COX10: variants seen among roughly 807,000 people sequenced by gnomAD.
COX10 encodes the protein protoheme IX farnesyltransferase, mitochondrial.
COX10 carries 27 observed loss-of-function variants against 37.3 expected under a neutral mutation model. That is an observed-to-expected ratio of 0.72 (90% CI 0.53 to 1.00). The LOEUF is 1.00. Ranked by LOEUF, COX10 falls within the 50% of genes least tolerant of loss-of-function variation. The pLI is 0.00. For synonymous variants in COX10, 222 were observed against 229.1 expected, an observed-to-expected ratio of 0.97 and a Z score of 0.28; for missense variants, 475 against 563.2, an observed-to-expected ratio of 0.84 and a Z score of 1.59.
At chr17:14,149,989 G>A (rs1273160750) in intron 4 of COX10, among the ~76,000 whole-genome samples, 6 of 152,090 alleles carry the variant, frequency 3.9e-5, no homozygotes, top group South Asian at 2.1e-4. Flanking sequence ...AAAAGTTTAC[G>A]GCCGGGCACA....
chr17:14,129,809 A>G (rs1416489836), intron 4 of COX10, among the ~76,000 whole-genome samples: 3 of 152,182 alleles, frequency 2.0e-5, no homozygotes, highest in Admixed American at 1.3e-4. Context: ...CTCTCTGGGT[A>G]CAGTAGGGTT....
chr17:14,165,901 G>T (rs1352429751), intron 5 of COX10, among the ~76,000 whole-genome samples: 1 of 152,230 alleles, frequency 6.6e-6, no homozygotes, highest in Non-Finnish European at 1.5e-5. Context: ...CCACAGCATT[G>T]CCTCACACGA....
intron 6 of COX10, among the ~76,000 whole-genome samples, chr17:14,199,520 T>C (rs1906464370): frequency 6.6e-6 from 1 of 152,108 alleles, no homozygotes; most frequent in Non-Finnish European, 1.5e-5. Context: ...TCTCTCTAAG[T>C]GAAACCTCCT....
At chr17:14,107,912 T>TC (rs1439638281) in intron 4 of COX10, among the ~76,000 whole-genome samples, 7 of 152,178 alleles carry the variant, frequency 4.6e-5, no homozygotes, top group African/African-American at 1.7e-4. Flanking sequence ...AAAGTCAGCC[T>TC]CCTTATAACT....
At chr17:14,093,234 T>G (rs1275791686) in intron 3 of COX10, among the ~76,000 whole-genome samples, 1 of 152,200 alleles carries the variant, frequency 6.6e-6, no homozygotes, top group African/African-American at 2.4e-5. Context: ...TTTTTTGGAC[T>G]TTTGTTTTTT....
chr17:14,192,362 A>G, intron 6 of COX10, 141 bp downstream of exon 6: 1 of 1,613,520 alleles, frequency 6.2e-7, no homozygotes, highest in Non-Finnish European at 8.5e-7. Context: ...GCAGACTGAA[A>G]TTTTGTGGAC....
At chr17:14,089,191 G>A (rs1490354729) in intron 3 of COX10, among the ~76,000 whole-genome samples, 1 of 152,136 alleles carries the variant, frequency 6.6e-6, no homozygotes, top group Non-Finnish European at 1.5e-5. Flanking sequence ...CTTGGAGGAG[G>A]ACATGAAGCT....
At chr17:14,174,644 G>A (rs1597536367) in intron 5 of COX10, among the ~76,000 whole-genome samples, 1 of 152,050 alleles carries the variant, frequency 6.6e-6, no homozygotes, top group African/African-American at 2.4e-5. Context: ...CAACAATACA[G>A]TGCTGACAAG....
At chr17:14,200,098 G>T (rs1036010473) in intron 6 of COX10, among the ~76,000 whole-genome samples, 3 of 152,132 alleles carry the variant, frequency 2.0e-5, no homozygotes, top group African/African-American at 7.2e-5. Flanking sequence ...GGTTTGGGGG[G>T]TGGGGGTGGG....
intron 4 of COX10, among the ~76,000 whole-genome samples, chr17:14,149,324 T>G (rs1431992459): frequency 1.3e-5 from 2 of 152,176 alleles, no homozygotes; most frequent in African/African-American, 4.8e-5. Flanking sequence ...AGTAATTTTG[T>G]AGGTATGATG....
At chr17:14,112,533 A>G (rs1597505444) in intron 4 of COX10, among the ~76,000 whole-genome samples, 2 of 152,212 alleles carry the variant, frequency 1.3e-5, no homozygotes, top group African/African-American at 2.4e-5. Flanking sequence ...AGTGGCTTAC[A>G]GTCTGGTAGA....
At chr17:14,108,821 A>G (rs1915953178) in intron 4 of COX10, among the ~76,000 whole-genome samples, 1 of 152,074 alleles carries the variant, frequency 6.6e-6, no homozygotes, top group South Asian at 2.1e-4. Flanking sequence ...TATCTAATGC[A>G]TTTTTCTCCA....
intron 3 of COX10, among the ~76,000 whole-genome samples, chr17:14,078,135 G>A (rs1915198420): frequency 6.6e-6 from 1 of 152,096 alleles, no homozygotes; most frequent in African/African-American, 2.4e-5. Flanking sequence ...TGAATTCTGT[G>A]TGATAAGCTT....
intron 5 of COX10, among the ~76,000 whole-genome samples, chr17:14,165,471 A>G (rs1316399206): frequency 6.6e-6 from 1 of 152,240 alleles, no homozygotes; most frequent in Non-Finnish European, 1.5e-5. Context: ...CATAAAAGAC[A>G]GCAAACTTAA....
chr17:14,074,536 T>G lies in COX10; in HGVS notation c.177+80T>G, dbSNP rs921577205. 4.5e-6 allele frequency: 6 copies of G among 1,336,276 alleles called. No individual in the cohort carries two copies. The African/African-American group carries it at 8.7e-5, about 19-fold the overall frequency. The allele number at this position is 1,336,276 out of a possible 1,614,324, so 82.8% of individuals were successfully genotyped here. A position where few individuals can be genotyped will look rare whatever the true frequency, so the allele number is the denominator to read the frequency against. ...GAGAATTTCAGAAATTCCTATTTAA[T>G]TAAAGTTTTAAGAAATACTGTTTGA... On this transcript the variant is annotated intron_variant, in intron 2 of 6. Coordinates refer to ENST00000261643, the MANE Select transcript of COX10 (RefSeq NM_001303.4).
chr17:14,204,821 G>T (rs1200895015), intron 6 of COX10, among the ~76,000 whole-genome samples: 1 of 152,230 alleles, frequency 6.6e-6, no homozygotes, highest in Admixed American at 6.5e-5. Flanking sequence ...CAAAGTCAAG[G>T]CTGAGTGCAG....
intron 2 of COX10, among the ~76,000 whole-genome samples, chr17:14,075,908 C>T (rs546288492): frequency 6.8e-6 from 1 of 147,730 alleles, no homozygotes; most frequent in South Asian, 2.2e-4. Flanking sequence ...AGGAGAATGG[C>T]GTGAACCTGG....
At chr17:14,160,473 C>T (rs1267930253) in intron 5 of COX10, among the ~76,000 whole-genome samples, 5 of 152,030 alleles carry the variant, frequency 3.3e-5, no homozygotes, top group Admixed American at 2.0e-4. Context: ...TCCTGGAGAC[C>T]TCTAAACCGG....
chr17:14,079,290 C>G (rs775795224), intron 3 of COX10, among the ~76,000 whole-genome samples: 24 of 152,098 alleles, frequency 1.6e-4, no homozygotes, highest in Non-Finnish European at 3.5e-4. Flanking sequence ...ATTATATTTC[C>G]CCTAAGGTTG....
Sources: allele counts gnomAD v4.1 joint callset (sites outside exome capture counted in the v4.1 genomes callset), GRCh38; gene constraint gnomAD v4.1.1; transcripts MANE v1.5; gene names NCBI Gene and HGNC (gene_info 2026-07-23, HGNC 2026-07-21).